The following CTNNA3 variants were observed in gnomAD, a reference collection of about 807,000 sequenced individuals.
CTNNA3 encodes catenin alpha-3.
CTNNA3 carries 76 observed loss-of-function variants against 95.7 expected under a neutral mutation model. The ratio of observed to expected loss-of-function variants is 0.79; its 90% CI spans 0.66 to 0.96. The LOEUF is 0.96. Among genes scored for constraint, CTNNA3 ranks in the 40% least tolerant of loss-of-function variants. CTNNA3 has a pLI of 0.00. For missense variants in CTNNA3, 1,191 were observed against 1,089.8 expected (o/e 1.09, Z -1.31); for synonymous variants, 431 against 374.4 (o/e 1.15, Z -1.74).
intron 12 of CTNNA3, among the ~76,000 whole-genome samples, chr10:66,331,824 T>G (rs1180663093): frequency 6.6e-6 from 1 of 151,986 alleles, no homozygotes; most frequent in Non-Finnish European, 1.5e-5. Context: ...AGTAGTTTTT[T>G]CCAATTCTGT....
intron 2 of CTNNA3, 91 bp from the exon 3 acceptor site, chr10:67,607,140 A>G (rs1471656967): frequency 9.6e-7 from 1 of 1,046,640 alleles, no homozygotes; most frequent in Admixed American, 2.5e-5. Context: ...AAGACAGTAC[A>G]GTTGACACTT....
At chr10:67,394,311 A>T (rs1160481899) in intron 5 of CTNNA3, among the ~76,000 whole-genome samples, 1 of 152,076 alleles carries the variant, frequency 6.6e-6, no homozygotes, top group Non-Finnish European at 1.5e-5. Flanking sequence ...AAAAAAAAAA[A>T]AAGAAGCCCG....
chr10:67,680,714 T>C (rs574765355), intron 1 of CTNNA3, among the ~76,000 whole-genome samples: 18 of 152,202 alleles, frequency 1.2e-4, no homozygotes, highest in Non-Finnish European at 2.5e-4. Flanking sequence ...AAAATAAATA[T>C]GCATATATAA....
At chr10:67,053,069 A>G (rs1855210909) in intron 7 of CTNNA3, among the ~76,000 whole-genome samples, 3 of 152,218 alleles carry the variant, frequency 2.0e-5, no homozygotes, top group Admixed American at 2.0e-4. Flanking sequence ...CTAGAGCTAT[A>G]CCATCCCCTA....
At chr10:67,010,794 A>G (rs2133035740) in intron 7 of CTNNA3, among the ~76,000 whole-genome samples, 1 of 152,352 alleles carries the variant, frequency 6.6e-6, no homozygotes, top group East Asian at 1.9e-4. Flanking sequence ...GGATTTGAGC[A>G]TATCCATATT....
chr10:67,355,758 A>C (rs1842787216), intron 5 of CTNNA3, among the ~76,000 whole-genome samples: 1 of 152,030 alleles, frequency 6.6e-6, no homozygotes, highest in African/African-American at 2.4e-5. Context: ...TCGTTTTCAA[A>C]CCGTTTAAAA....
At chr10:65,995,970 G>A (rs895922762) in intron 15 of CTNNA3, among the ~76,000 whole-genome samples, 4 of 152,258 alleles carry the variant, frequency 2.6e-5, no homozygotes, top group South Asian at 4.1e-4. Flanking sequence ...GGCAGGCCAG[G>A]GTGAAACCTA....
chr10:66,299,845 G>T (rs1319219739), intron 12 of CTNNA3, among the ~76,000 whole-genome samples: 6 of 152,008 alleles, frequency 3.9e-5, no homozygotes, highest in Non-Finnish European at 5.9e-5. Context: ...ACTAAGAATA[G>T]AAAAATAAAA....
Position 67,307,479 on chromosome 10 carries a change from T to G in CTNNA3, c.580-87609A>C, listed in dbSNP as rs149792514. Among the ~76,000 whole-genome samples, 389 of 152,068 alleles carry G rather than the reference T, an allele frequency of 2.6e-3. 1 individual carries two copies. The highest frequency in any genetic ancestry group is 5.8e-3 in the African/African-American group (241 of 41,552). On this transcript the variant is annotated intron_variant, in intron 5 of 17. Coordinates refer to ENST00000433211, the MANE Select transcript of CTNNA3 (RefSeq NM_013266.4). Reference sequence around the variant, plus strand: ...TACTGATTAATTGTTTGTTTGTTTGTTTGTTTGGTTGGTTGGTTGTTTTTA... The same window carrying G: ...TACTGATTAATTGTTTGTTTGTTTGGTTGTTTGGTTGGTTGGTTGTTTTTA...
At position 67,336,887 on chromosome 10, in the gene CTNNA3, C is replaced by T. The variant is rs190393991; in HGVS notation, c.580-117017G>A. On this transcript the variant is annotated intron_variant, in intron 5 of 17. Coordinates refer to ENST00000433211, the MANE Select transcript of CTNNA3 (RefSeq NM_013266.4). The stretch of plus-strand genomic sequence containing the variant: ...ATTTTAAGCTCACTGTGGAGACCTA[C>T]TGCTCAGAAAAAAGATTCCTTTCAA... Among the ~76,000 whole-genome samples, 28 of 152,174 alleles carry T rather than the reference C, an allele frequency of 1.8e-4. No homozygotes were observed. In the East Asian group the frequency reaches 5.2e-3, roughly 28 times the overall value.
At chr10:67,763,056 A>G (rs1001572459) in intron 1 of CTNNA3, among the ~76,000 whole-genome samples, 1 of 152,170 alleles carries the variant, frequency 6.6e-6, no homozygotes. Flanking sequence ...CTGGGTGTCT[A>G]AGGAATTTTG....
At chr10:66,696,568 G>A (rs1432037440) in intron 9 of CTNNA3, among the ~76,000 whole-genome samples, 1 of 152,046 alleles carries the variant, frequency 6.6e-6, no homozygotes, top group African/African-American at 2.4e-5. Context: ...ATTCCTCTAG[G>A]CAAAGTAAAT....
At chr10:66,100,599 T>G (rs1423611925) in intron 14 of CTNNA3, among the ~76,000 whole-genome samples, 1 of 152,160 alleles carries the variant, frequency 6.6e-6, no homozygotes, top group Non-Finnish European at 1.5e-5. Flanking sequence ...TAATGCAAGA[T>G]GCAGAGCAGT....
At chr10:67,744,156 A>G (rs1841359965) in intron 1 of CTNNA3, among the ~76,000 whole-genome samples, 1 of 151,264 alleles carries the variant, frequency 6.6e-6, no homozygotes, top group Non-Finnish European at 1.5e-5. Flanking sequence ...AAACTACCTT[A>G]AAGTTCATAT....
chr10:66,899,268 A>T (rs1162109703), intron 7 of CTNNA3, among the ~76,000 whole-genome samples: 1 of 152,216 alleles, frequency 6.6e-6, no homozygotes, highest in Non-Finnish European at 1.5e-5. Flanking sequence ...ATGAGAATGT[A>T]AAATGACACA....
chr10:67,550,271 G>C (rs901782155), intron 3 of CTNNA3, among the ~76,000 whole-genome samples: 7 of 152,026 alleles, frequency 4.6e-5, no homozygotes, highest in Non-Finnish European at 1.5e-5. Context: ...CAGTTAAATA[G>C]TTCCCCGAAG....
intron 6 of CTNNA3, among the ~76,000 whole-genome samples, chr10:67,181,621 T>C (rs1262182917): frequency 6.6e-6 from 1 of 152,090 alleles, no homozygotes; most frequent in Non-Finnish European, 1.5e-5. Flanking sequence ...TATAGATATG[T>C]ATATGTATTT....
intron 12 of CTNNA3, among the ~76,000 whole-genome samples, chr10:66,360,851 T>C (rs1188639956): frequency 7.0e-6 from 1 of 142,962 alleles, no homozygotes; most frequent in African/African-American, 2.6e-5. Context: ...CTTTCTTTCT[T>C]TCTTTCCTTT....
chr10:66,446,228 G>A (rs4260816), intron 11 of CTNNA3, among the ~76,000 whole-genome samples: 1 of 151,504 alleles, frequency 6.6e-6, no homozygotes. Flanking sequence ...GATTCACAGC[G>A]GATTTCTACC....
Sources: allele counts gnomAD v4.1 joint callset (sites outside exome capture counted in the v4.1 genomes callset), GRCh38; gene constraint gnomAD v4.1.1; transcripts MANE v1.5; gene names NCBI Gene and HGNC (gene_info 2026-07-23, HGNC 2026-07-21).